FAP: variants seen among roughly 807,000 people sequenced by gnomAD.
FAP encodes fibroblast activation protein alpha.
In FAP, 110 loss-of-function variants were observed where a neutral mutation model predicts 126.5. The ratio of observed to expected loss-of-function variants is 0.87; its 90% confidence interval spans 0.74 to 1.02. The LOEUF (loss-of-function observed/expected upper bound fraction) is 1.02, where lower values mean the gene tolerates loss of function less well. Ranked by LOEUF, FAP falls within the 50% of genes least tolerant of loss-of-function variation. FAP has a pLI of 0.00. For synonymous variants in FAP, 334 were observed against 297.3 expected, an observed-to-expected ratio of 1.12 and a Z score of -1.27; for missense variants, 919 against 909.2, an observed-to-expected ratio of 1.01 and a Z score of -0.14.
intron 2 of FAP, among the ~76,000 whole-genome samples, chr2:162,237,546 G>A (rs1415404594): frequency 1.3e-5 from 2 of 152,066 alleles, no homozygotes; most frequent in Non-Finnish European, 2.9e-5. Flanking sequence ...ATGTCCCATG[G>A]CTGCATAGTA....
At chr2:162,221,089 A>G (rs557129806) in intron 6 of FAP, among the ~76,000 whole-genome samples, 1 of 152,306 alleles carries the variant, frequency 6.6e-6, no homozygotes, top group Admixed American at 6.5e-5. Flanking sequence ...AGCAAGTAGC[A>G]AGGGAACATG....
At chr2:162,236,720 G>A (rs1690150371) in intron 2 of FAP, among the ~76,000 whole-genome samples, 1 of 152,192 alleles carries the variant, frequency 6.6e-6, no homozygotes, top group South Asian at 2.1e-4. Context: ...AGGCAATTCT[G>A]CCTCAGCCTC....
intron 2 of FAP, among the ~76,000 whole-genome samples, chr2:162,235,335 C>T (rs188949524): frequency 4.6e-5 from 7 of 152,298 alleles, no homozygotes; most frequent in South Asian, 2.1e-4. Context: ...GCTCCACCTG[C>T]GGCTCCGGTG....
chr2:162,175,173 A>G lies in FAP; in HGVS notation c.1870-207T>C, dbSNP rs1224415470. ...TAATTTCTTCCCTAATTCATTAGAA[A>G]TACTTGGTGTGCTGATCAGAACAGA... On this transcript the variant is annotated intron_variant, in intron 21 of 25. Coordinates refer to ENST00000188790, the MANE Select transcript of FAP (RefSeq NM_004460.5). 3.2e-5 allele frequency: 15 copies of G among 472,994 alleles called. 1 individual carries two copies. The highest frequency in any genetic ancestry group is 1.4e-4 in the African/African-American group (7 of 50,440). The allele number at this position is 472,994 out of a possible 1,614,324, so 29.3% of individuals were successfully genotyped here.
chr2:162,209,883 A>G (rs978400834), intron 12 of FAP, 69 bp downstream of exon 12: 51 of 1,414,210 alleles, frequency 3.6e-5, no homozygotes, highest in Non-Finnish European at 4.4e-5. Context: ...TACATTGCAA[A>G]TAGTCCTTTG....
chr2:162,188,139 T>A, intron 20 of FAP, 30 bp downstream of exon 20: 1 of 1,567,278 alleles, frequency 6.4e-7, no homozygotes, highest in East Asian at 2.2e-5. Context: ...TGTTGCATGT[T>A]GACATCTGCT....
intron 21 of FAP, among the ~76,000 whole-genome samples, chr2:162,178,214 C>A (rs1206066289): frequency 5.9e-5 from 9 of 152,182 alleles, no homozygotes; most frequent in African/African-American, 2.2e-4. Flanking sequence ...AATGCTTATT[C>A]AACACCACCT....
At chr2:162,218,386 A>T (rs1300177871) in intron 8 of FAP, among the ~76,000 whole-genome samples, 4 of 152,158 alleles carry the variant, frequency 2.6e-5, no homozygotes, top group African/African-American at 9.6e-5. Context: ...AATTTTTTAA[A>T]TAAATAATAA....
chr2:162,215,351 T>A (rs1689121544), intron 10 of FAP, among the ~76,000 whole-genome samples: 2 of 152,168 alleles, frequency 1.3e-5, no homozygotes, highest in South Asian at 4.1e-4. Context: ...TGACTGAAGG[T>A]CACTGTATTC....
intron 11 of FAP, 85 bp from the exon 12 acceptor site, chr2:162,210,081 G>T: frequency 8.5e-7 from 1 of 1,176,852 alleles, no homozygotes; most frequent in Non-Finnish European, 1.3e-6. Flanking sequence ...AAACAGTTAA[G>T]CTGCCTGATC....
Position 162,187,275 on chromosome 2 carries a change from TA to T in FAP, c.1814+893del, listed in dbSNP as rs555660685. 6.6e-4 allele frequency among the ~76,000 whole-genome samples: 100 copies of T among 152,198 alleles called. 1 individual carries two copies. The highest frequency in any genetic ancestry group is 4.3e-3 in the South Asian group (21 of 4,830). On this transcript the variant is annotated intron_variant, in intron 20 of 25. Coordinates refer to ENST00000188790, the MANE Select transcript of FAP (RefSeq NM_004460.5). ...TTAAGTATTAATAACATTAAGGGGA[TA>T]AAAAATGTACTAAAGAAATTTCTAA...
intron 17 of FAP, among the ~76,000 whole-genome samples, chr2:162,191,392 AG>A (rs1353507833): frequency 6.6e-6 from 1 of 152,088 alleles, no homozygotes; most frequent in African/African-American, 2.4e-5. Flanking sequence ...AGAATCTCAC[AG>A]GGGGCAGTGG....
At chr2:162,173,629 C>T in intron 23 of FAP, 94 bp downstream of exon 23, 1 of 841,780 alleles carries the variant, frequency 1.2e-6, no homozygotes, top group Non-Finnish European at 2.0e-6. Context: ...GCTTGGGGGC[C>T]CAGAATTAAA....
At position 162,187,561 on chromosome 2, in the gene FAP, G is replaced by A. The variant is rs113424013; in HGVS notation, c.1814+608C>T. Among the ~76,000 whole-genome samples the A allele has an allele frequency of 1.3e-3, 203 of 152,128 alleles. 1 individual carries two copies. Among genetic ancestry groups the A allele is most frequent in the African/African-American group, 4.8e-3 (198 of 41,526 alleles). On this transcript the variant is annotated intron_variant, in intron 20 of 25. Transcript: ENST00000188790. ...AAAAGATGATTGAACCATAAATCATGGTTGAAAATATATATAGTTGAGAAG... is the reference window on the plus strand; with the variant it reads ...AAAAGATGATTGAACCATAAATCATAGTTGAAAATATATATAGTTGAGAAG...
chr2:162,234,895 G>A (rs1380107012), intron 2 of FAP, among the ~76,000 whole-genome samples: 7 of 152,124 alleles, frequency 4.6e-5, no homozygotes, highest in Non-Finnish European at 7.4e-5. Context: ...TGCACCCCAC[G>A]CTTGCCGGCC....
At chr2:162,224,216 G>A (rs904827044) in intron 5 of FAP, among the ~76,000 whole-genome samples, 2 of 152,174 alleles carry the variant, frequency 1.3e-5, no homozygotes, top group South Asian at 2.1e-4. Flanking sequence ...TTGTTTTCTT[G>A]TTAAGTATGT....
chr2:162,187,515 C>T (rs985270694), intron 20 of FAP, among the ~76,000 whole-genome samples: 6 of 152,074 alleles, frequency 3.9e-5, no homozygotes, highest in African/African-American at 1.2e-4. Context: ...AATTTTGGTG[C>T]CTATATAGTC....
intron 2 of FAP, among the ~76,000 whole-genome samples, chr2:162,226,947 T>A (rs1391179266): frequency 6.6e-6 from 1 of 152,032 alleles, no homozygotes; most frequent in Non-Finnish European, 1.5e-5. Flanking sequence ...GTTGTCAAGG[T>A]TTTCCAGAAG....
chr2:162,224,226 T>A (rs1462665292), intron 5 of FAP, among the ~76,000 whole-genome samples: 2 of 152,194 alleles, frequency 1.3e-5, no homozygotes. Context: ...GTTAAGTATG[T>A]TTGTGCTGTT....
Sources: gnomAD v4.1 joint callset for allele counts (sites outside exome capture counted in the v4.1 genomes callset) on GRCh38, gnomAD v4.1.1 for gene constraint, MANE v1.5 for transcripts, NCBI Gene and HGNC (gene_info 2026-07-23, HGNC 2026-07-21) for gene names.